RAPH1: variants seen among roughly 807,000 people sequenced by gnomAD.
RAPH1 encodes the protein Ras association (RalGDS/AF-6) and pleckstrin homology domains 1, also known as ras-associated and pleckstrin homology domains-containing protein 1.
Under a neutral mutation model 88.1 loss-of-function variants are expected in RAPH1, and 18 were observed. The observed-to-expected ratio is 0.20, with a 90% CI of 0.14 to 0.30. RAPH1 has a LOEUF of 0.30. Ranked by LOEUF, RAPH1 falls within the 10% of genes least tolerant of loss-of-function variation. RAPH1 has a pLI of 1.00. For missense variants in RAPH1, 1,448 were observed against 1,543.2 expected (o/e 0.94, Z 1.03); for synonymous variants, 587 against 559.0 (o/e 1.05, Z -0.71).
chr2:203,500,252 G>C (rs1194159247), intron 1 of RAPH1, among the ~76,000 whole-genome samples: 1 of 152,208 alleles, frequency 6.6e-6, no homozygotes, highest in East Asian at 1.9e-4. Context: ...GGAAAGTGGT[G>C]ATGCTTCAGT....
chr2:203,442,253 A>G lies in RAPH1; in HGVS notation c.1777-840T>C. 12 of 557,990 alleles carry G rather than the reference A, an allele frequency of 2.2e-5. No individual in the cohort carries two copies. The South Asian group carries it at 2.9e-4, about 14-fold the overall frequency. 34.6% of individuals were successfully genotyped at this position (557,990 alleles called of 1,614,324 possible). On this transcript the variant is annotated intron_variant, in intron 13 of 13. Transcript: ENST00000319170. Reference sequence around the variant, plus strand: ...AACAACCAACCCATCTGGGTAGCTGAAATGATCACATCTGGTAGTTTATTT... The same window carrying G: ...AACAACCAACCCATCTGGGTAGCTGGAATGATCACATCTGGTAGTTTATTT...
At position 203,502,546 on chromosome 2, in the gene RAPH1, A is replaced by C. The variant is rs1396450576; in HGVS notation, c.1-7193T>G. On this transcript the variant is annotated intron_variant, in intron 1 of 13. Transcript: ENST00000319170. Reference sequence around the variant, plus strand: ...CAATTTTATTAATGTTTTATTTATCAGGCACTTAAATGAACCCCTTAGAAA... The same window carrying C: ...CAATTTTATTAATGTTTTATTTATCCGGCACTTAAATGAACCCCTTAGAAA... Among the ~76,000 whole-genome samples the C allele has an allele frequency of 3.3e-5, 5 of 152,204 alleles. No homozygotes were observed. The East Asian group carries it at 5.8e-4, about 18-fold the overall frequency.
At chr2:203,465,131 A>G (rs916837088) in intron 4 of RAPH1, among the ~76,000 whole-genome samples, 3 of 152,218 alleles carry the variant, frequency 2.0e-5, no homozygotes, top group Non-Finnish European at 4.4e-5. Context: ...CAATTCAGCA[A>G]TTGTGCTCCT....
At chr2:203,471,817 A>ATTT (rs61601165) in intron 4 of RAPH1, among the ~76,000 whole-genome samples, 98,047 of 147,678 alleles carry the variant, frequency 0.66, 32,544 homozygotes, top group Middle Eastern at 0.8. Context: ...CCCATTCTTT[A>ATTT]AAAAAAAAAA....
At chr2:203,534,245 A>G (rs977307244) in intron 1 of RAPH1, among the ~76,000 whole-genome samples, 1 of 152,130 alleles carries the variant, frequency 6.6e-6, no homozygotes, top group Non-Finnish European at 1.5e-5. Flanking sequence ...GAACTTTTCC[A>G]TTCTCCCGGA....
intron 1 of RAPH1, among the ~76,000 whole-genome samples, chr2:203,527,894 A>G (rs1690197997): frequency 4.0e-5 from 6 of 151,404 alleles, no homozygotes. Context: ...AAGGTGGAGG[A>G]GAGGGTAAGG....
chr2:203,491,611 C>G (rs1236738017), intron 2 of RAPH1, among the ~76,000 whole-genome samples: 1 of 152,138 alleles, frequency 6.6e-6, no homozygotes, highest in African/African-American at 2.4e-5. Flanking sequence ...ACCTCCGCCT[C>G]CCGGGTTCAA....
chr2:203,473,531 G>T (rs1487492750), intron 4 of RAPH1, among the ~76,000 whole-genome samples: 1 of 152,074 alleles, frequency 6.6e-6, no homozygotes, highest in Non-Finnish European at 1.5e-5. Context: ...TGTGGTTTTG[G>T]TTCAGAAACA....
At chr2:203,460,119 C>A in intron 6 of RAPH1, 91 bp from the exon 7 acceptor site, 1 of 1,137,248 alleles carries the variant, frequency 8.8e-7, no homozygotes, top group Non-Finnish European at 1.3e-6. Context: ...ACCTCAGAAC[C>A]ACATAATCTT....
At chr2:203,491,049 AAAAAAAAAAAAG>A (rs918584389) in intron 3 of RAPH1, among the ~76,000 whole-genome samples, 153 bp downstream of exon 3, 3 of 151,514 alleles carry the variant, frequency 2.0e-5, no homozygotes, top group South Asian at 2.1e-4. Flanking sequence ...TGTCTCAAAA[AAAAAAAAAAAAG>A]AAAAAAGAAA....
intron 1 of RAPH1, among the ~76,000 whole-genome samples, chr2:203,532,266 T>C (rs760724923): frequency 5.9e-5 from 9 of 152,324 alleles, no homozygotes; most frequent in African/African-American, 1.2e-4. Context: ...CTGTGGCTTG[T>C]AGAATTACTG....
chr2:203,440,033 G>A lies in RAPH1; in HGVS notation c.3157C>T (p.Leu1053=), dbSNP rs1374960671. The A allele has an allele frequency of 6.2e-7, 1 of 1,613,752 alleles. No individual in the cohort carries two copies. Among genetic ancestry groups the A allele is most frequent in the East Asian group, 2.2e-5 (1 of 44,872 alleles). Residue 1053 remains leucine (L), a synonymous_variant, in exon 14 of 14, where the codon CTG becomes TTG. Transcript: ENST00000319170. ...ACGGAGTCCTTTCCACGCCCACTCA[G>A]AACAGGGGCTTTTGCTGACACACAC... ...QGCVSAKAPV[L]SGRGKDSVVE...
intron 1 of RAPH1, among the ~76,000 whole-genome samples, chr2:203,534,691 G>A (rs1032067534): frequency 2.0e-5 from 3 of 152,164 alleles, no homozygotes; most frequent in African/African-American, 7.2e-5. Context: ...TGAAAGATGG[G>A]GGCATCGAAA....
In RAPH1 at chr2:203,447,319, G is replaced by A. The variant is rs1015252286; in HGVS notation, c.1633+640C>T. The A allele has an allele frequency of 2.3e-4, 35 of 151,914 alleles. No individual in the cohort carries two copies. The East Asian group carries it at 2.5e-3, about 11-fold the overall frequency. The allele number at this position is 151,914 out of a possible 1,614,324, so 9.4% of individuals were successfully genotyped here. A position where few individuals can be genotyped will look rare whatever the true frequency, so the allele number is the denominator to read the frequency against. On this transcript the variant is annotated intron_variant, in intron 12 of 13. Coordinates refer to ENST00000319170, the MANE Select transcript of RAPH1 (RefSeq NM_213589.3). ...GGACTGGGTATTCTCATTGTTCCTG[G>A]GGTATCACTGCTTCTAGTCCTCAGT...
At chr2:203,463,083 C>A (rs532745554) in intron 4 of RAPH1, among the ~76,000 whole-genome samples, 1 of 151,362 alleles carries the variant, frequency 6.6e-6, no homozygotes, top group African/African-American at 2.4e-5. Flanking sequence ...GTGCCTGTAA[C>A]CCCAGCTACT....
chr2:203,487,047 G>A (rs1488994059), intron 4 of RAPH1, among the ~76,000 whole-genome samples: 1 of 152,202 alleles, frequency 6.6e-6, no homozygotes, highest in African/African-American at 2.4e-5. Context: ...TGCTGGGAGA[G>A]AGGAACTTTT....
intron 10 of RAPH1, among the ~76,000 whole-genome samples, chr2:203,453,953 C>T (rs1003447683): frequency 1.3e-5 from 2 of 152,008 alleles, no homozygotes; most frequent in African/African-American, 4.8e-5. Flanking sequence ...GGTCACAATA[C>T]ATACATGGGC....
intron 1 of RAPH1, among the ~76,000 whole-genome samples, chr2:203,532,218 G>T (rs2106017870): frequency 6.6e-6 from 1 of 152,138 alleles, no homozygotes; most frequent in East Asian, 1.9e-4. Flanking sequence ...TTTGAACAGG[G>T]TCTCACTCTG....
intron 12 of RAPH1, chr2:203,445,843 A>C (rs1274382617): frequency 6.6e-6 from 1 of 152,226 alleles, no homozygotes; most frequent in Non-Finnish European, 1.5e-5. Context: ...AATAGTTTTA[A>C]GATATCTACA....
Sources: gnomAD v4.1 joint callset for allele counts (sites outside exome capture counted in the v4.1 genomes callset) on GRCh38, gnomAD v4.1.1 for gene constraint, MANE v1.5 for transcripts, NCBI Gene and HGNC (gene_info 2026-07-23, HGNC 2026-07-21) for gene names.